FOXP2: variants seen among roughly 807,000 people sequenced by gnomAD.
FOXP2 encodes the protein forkhead box protein P2.
In FOXP2, 12 loss-of-function variants were observed where a neutral mutation model predicts 115.8. The observed-to-expected ratio is 0.10, with a 90% CI of 0.07 to 0.17. The LOEUF is 0.17. Ranked by LOEUF, FOXP2 falls within the 10% of genes least tolerant of loss-of-function variation. The pLI is 1.00. For synonymous variants in FOXP2, 328 were observed against 297.7 expected, an observed-to-expected ratio of 1.10 and a Z score of -1.05; for missense variants, 629 against 843.5, an observed-to-expected ratio of 0.75 and a Z score of 3.15.
chr7:114,431,956 T>G, intron 2 of FOXP2, among the ~76,000 whole-genome samples: 1 of 151,966 alleles, frequency 6.6e-6, no homozygotes, highest in Non-Finnish European at 1.5e-5. Flanking sequence ...TGTACAGTCA[T>G]AATTCTGTCT....
At chr7:114,270,115 C>A (rs942018108) in intron 1 of FOXP2, among the ~76,000 whole-genome samples, 2 of 152,112 alleles carry the variant, frequency 1.3e-5, no homozygotes, top group Admixed American at 1.3e-4. Context: ...TAATAATATA[C>A]GTTTAAGGTT....
At chr7:114,517,733 T>C (rs959828632) in intron 2 of FOXP2, among the ~76,000 whole-genome samples, 3 of 152,198 alleles carry the variant, frequency 2.0e-5, no homozygotes, top group African/African-American at 4.8e-5. Flanking sequence ...TATAGCTTCA[T>C]AGTAGATTTT....
intron 3 of FOXP2, among the ~76,000 whole-genome samples, chr7:114,600,718 C>T (rs1310579307): frequency 6.6e-6 from 1 of 152,150 alleles, no homozygotes; most frequent in Non-Finnish European, 1.5e-5. Context: ...AGTGCTAGCT[C>T]ATTGCTAATT....
chr7:114,386,828 C>G (rs1331332527), intron 2 of FOXP2, among the ~76,000 whole-genome samples: 1 of 152,140 alleles, frequency 6.6e-6, no homozygotes, highest in Non-Finnish European at 1.5e-5. Context: ...ATTTAGTTTT[C>G]TTTTTTCATA....
chr7:114,308,174 G>A (rs113381959), intron 2 of FOXP2, among the ~76,000 whole-genome samples: 213 of 152,068 alleles, frequency 1.4e-3, no homozygotes, highest in African/African-American at 4.8e-3. Flanking sequence ...TATCTTAAAG[G>A]GCAAGATGGG....
At chr7:114,296,660 A>T (rs1796748258) in intron 2 of FOXP2, among the ~76,000 whole-genome samples, 1 of 152,190 alleles carries the variant, frequency 6.6e-6, no homozygotes, top group Non-Finnish European at 1.5e-5. Context: ...CCGCAATAAC[A>T]TATATTGACA....
chr7:114,631,700 C>T lies in FOXP2; in HGVS notation c.770C>T (p.Pro257Leu), dbSNP rs1804933314. 2 of 1,614,034 alleles carry T rather than the reference C, an allele frequency of 1.2e-6. No homozygotes were observed. Among genetic ancestry groups the T allele is most frequent in the Non-Finnish European group, 8.5e-7 (1 of 1,179,982 alleles). ...GQAALPVQSL[P>L]QAGLSPAEIQ... is the part of the protein sequence containing the mutation. ...GCAGCACTTCCTGTCCAATCGCTGC[C>T]TCAAGGTACATACAAAATGTTGTGC... The change falls in exon 6 of 17, where the codon CCT becomes CTT. Residue 257 changes from proline to leucine, a missense_variant. Pro to Leu is a moderately conservative substitution (Grantham distance 98). Transcript: ENST00000350908.
chr7:114,117,332 A>G (rs1166330969), intron 1 of FOXP2, among the ~76,000 whole-genome samples: 1 of 150,882 alleles, frequency 6.6e-6, no homozygotes, highest in Non-Finnish European at 1.5e-5. Flanking sequence ...AGTGATTCTC[A>G]TGCCCTAGCC....
intron 1 of FOXP2, among the ~76,000 whole-genome samples, chr7:114,223,059 AT>A (rs1794662380): frequency 6.6e-6 from 1 of 152,150 alleles, no homozygotes; most frequent in African/African-American, 2.4e-5. Context: ...ATAGCAGAAC[AT>A]TTTATATGTT....
chr7:114,151,722 G>C (rs1331556711), intron 1 of FOXP2, among the ~76,000 whole-genome samples: 1 of 152,030 alleles, frequency 6.6e-6, no homozygotes, highest in African/African-American at 2.4e-5. Flanking sequence ...GCAATACTAA[G>C]TTTATCTAAA....
chr7:114,309,037 G>T (rs550041740), intron 2 of FOXP2, among the ~76,000 whole-genome samples: 92 of 152,250 alleles, frequency 6.0e-4, no homozygotes, highest in African/African-American at 2.1e-3. Context: ...AATCTTTTCA[G>T]AATGTATTTT....
intron 1 of FOXP2, among the ~76,000 whole-genome samples, chr7:114,095,052 A>G (rs1799615539): frequency 1.3e-5 from 2 of 152,194 alleles, no homozygotes; most frequent in Non-Finnish European, 2.9e-5. Flanking sequence ...AATGCATATA[A>G]GACTGAGAAT....
Position 114,672,230 on chromosome 7 carries a change from G to A in FOXP2, c.2003+7794G>A, listed in dbSNP as rs187371271. ...GTATATTTGCAACATTAAATCTGAG[G>A]TTCCTTTTGTTAATTAGCAAGTCAA... On this transcript the variant is annotated intron_variant, in intron 16 of 16. Transcript: ENST00000350908. 6.5e-4 allele frequency among the ~76,000 whole-genome samples: 99 copies of A among 152,210 alleles called. 1 individual carries two copies. Among genetic ancestry groups the A allele is most frequent in the Admixed American group, 1.1e-3 (17 of 15,282 alleles).
chr7:114,359,749 C>T (rs564744367), intron 2 of FOXP2, among the ~76,000 whole-genome samples: 2 of 152,310 alleles, frequency 1.3e-5, no homozygotes, highest in African/African-American at 4.8e-5. Context: ...ACCAATTTCT[C>T]CCATATGGAA....
At chr7:114,184,329 A>C (rs1465890061) in intron 1 of FOXP2, among the ~76,000 whole-genome samples, 1 of 151,698 alleles carries the variant, frequency 6.6e-6, no homozygotes, top group African/African-American at 2.4e-5. Context: ...AATGGCTGCC[A>C]CTCCTTGGCG....
At chr7:114,420,358 G>A (rs1562915521) in intron 1 of FOXP2, among the ~76,000 whole-genome samples, 2 of 151,926 alleles carry the variant, frequency 1.3e-5, no homozygotes, top group Non-Finnish European at 2.9e-5. Flanking sequence ...TTGCCTGCTA[G>A]GCAGGTCTTT....
chr7:114,564,392 G>T (rs1800900254), intron 3 of FOXP2, among the ~76,000 whole-genome samples: 1 of 151,980 alleles, frequency 6.6e-6, no homozygotes, highest in Non-Finnish European at 1.5e-5. Context: ...TAAAACTTAG[G>T]ATCCATGGAT....
At chr7:114,312,448 T>C (rs987918497) in intron 2 of FOXP2, among the ~76,000 whole-genome samples, 18 of 152,140 alleles carry the variant, frequency 1.2e-4, no homozygotes, top group Admixed American at 3.3e-4. Context: ...TATGGAACCC[T>C]GAGAGCCATT....
chr7:114,230,416 A>G (rs1366518066), intron 1 of FOXP2, among the ~76,000 whole-genome samples: 1 of 151,938 alleles, frequency 6.6e-6, no homozygotes, highest in East Asian at 1.9e-4. Flanking sequence ...TAAAGACACT[A>G]CACAAATGAA....
Sources: gnomAD v4.1 joint callset for allele counts (sites outside exome capture counted in the v4.1 genomes callset) on GRCh38, gnomAD v4.1.1 for gene constraint, MANE v1.5 for transcripts, NCBI Gene and HGNC (gene_info 2026-07-23, HGNC 2026-07-21) for gene names.